Variants in CNTNAP5 observed in about 807,000 individuals in gnomAD.
The protein encoded by CNTNAP5 is contactin associated protein family member 5, also known as contactin-associated protein-like 5.
Under a neutral mutation model 150.2 loss-of-function variants are expected in CNTNAP5, and 72 were observed. The ratio of observed to expected loss-of-function variants is 0.48; its 90% CI spans 0.40 to 0.58. CNTNAP5 has a LOEUF of 0.58. Ranked by LOEUF, CNTNAP5 falls within the 20% of genes least tolerant of loss-of-function variation. The probability of loss-of-function intolerance (pLI) is 0.00; values close to 1 mark genes in which losing one functional copy is unlikely to be tolerated. For synonymous variants in CNTNAP5, 672 were observed against 619.8 expected (o/e 1.08, Z -1.25); for missense variants, 1,636 against 1,626.2 (o/e 1.01, Z -0.10).
At chr2:124,600,549 T>C (rs902730372) in intron 11 of CNTNAP5, among the ~76,000 whole-genome samples, 2 of 152,146 alleles carry the variant, frequency 1.3e-5, no homozygotes, top group African/African-American at 2.4e-5. Flanking sequence ...ACCTGCCGCA[T>C]CTCATGTAAA....
chr2:124,494,445 G>A (rs1211362166), intron 7 of CNTNAP5, among the ~76,000 whole-genome samples: 4 of 152,094 alleles, frequency 2.6e-5, no homozygotes, highest in Non-Finnish European at 4.4e-5. Context: ...GCCCCTAGCA[G>A]GTTGGATGGT....
chr2:124,138,427 C>T (rs1684028447), intron 1 of CNTNAP5, among the ~76,000 whole-genome samples: 1 of 152,220 alleles, frequency 6.6e-6, no homozygotes, highest in Non-Finnish European at 1.5e-5. Context: ...AATGGAGCAG[C>T]ATGCAGAGAA....
At chr2:124,171,383 C>A (rs1209740995) in intron 1 of CNTNAP5, among the ~76,000 whole-genome samples, 1 of 152,190 alleles carries the variant, frequency 6.6e-6, no homozygotes, top group Non-Finnish European at 1.5e-5. Context: ...GGTGCCAGCA[C>A]AACAGTATCA....
At chr2:124,483,652 T>C (rs977892237) in intron 7 of CNTNAP5, among the ~76,000 whole-genome samples, 2 of 152,236 alleles carry the variant, frequency 1.3e-5, no homozygotes, top group African/African-American at 4.8e-5. Context: ...AGTTTCATAA[T>C]ACCTTTCTTG....
intron 11 of CNTNAP5, among the ~76,000 whole-genome samples, chr2:124,592,118 C>T (rs532320008): frequency 1.6e-4 from 24 of 152,194 alleles, no homozygotes; most frequent in Admixed American, 7.2e-4. Context: ...AACTAGTCCT[C>T]AATTGATGAA....
At chr2:124,619,817 A>C (rs1677570160) in intron 12 of CNTNAP5, among the ~76,000 whole-genome samples, 1 of 142,574 alleles carries the variant, frequency 7.0e-6, no homozygotes, top group African/African-American at 2.8e-5. Context: ...CCTGAAAATC[A>C]ATCTCCTTCT....
At chr2:124,149,846 C>A (rs1271319210) in intron 1 of CNTNAP5, among the ~76,000 whole-genome samples, 1 of 152,222 alleles carries the variant, frequency 6.6e-6, no homozygotes, top group Non-Finnish European at 1.5e-5. Flanking sequence ...CAAAACAATC[C>A]CCTTGGCATC....
chr2:124,780,255 A>G (rs538984976), intron 17 of CNTNAP5, among the ~76,000 whole-genome samples: 1 of 152,120 alleles, frequency 6.6e-6, no homozygotes, highest in African/African-American at 2.4e-5. Flanking sequence ...CAAGCAAAAG[A>G]CTGTTTCAAA....
intron 13 of CNTNAP5, among the ~76,000 whole-genome samples, chr2:124,696,647 A>C (rs1356598157): frequency 6.6e-6 from 1 of 152,114 alleles, no homozygotes; most frequent in African/African-American, 2.4e-5. Flanking sequence ...AAATCAATGA[A>C]CTTAAGAAAA....
intron 11 of CNTNAP5, among the ~76,000 whole-genome samples, chr2:124,599,021 C>A (rs559598300): frequency 7.8e-4 from 118 of 152,170 alleles, no homozygotes; most frequent in African/African-American, 2.6e-3. Context: ...GTGCGCACAC[C>A]CACTGGCCTG....
intron 1 of CNTNAP5, among the ~76,000 whole-genome samples, chr2:124,125,239 C>CA (rs879040243): frequency 6.6e-6 from 1 of 150,912 alleles, no homozygotes; most frequent in African/African-American, 2.4e-5. Context: ...AAATGGAGAA[C>CA]AAAAAAAAGC....
intron 1 of CNTNAP5, among the ~76,000 whole-genome samples, chr2:124,108,714 G>C (rs1469714107): frequency 6.6e-6 from 1 of 152,124 alleles, no homozygotes; most frequent in Non-Finnish European, 1.5e-5. Context: ...TTGCCACACA[G>C]CAAGATAATT....
intron 2 of CNTNAP5, among the ~76,000 whole-genome samples, chr2:124,223,538 A>C (rs1264361012): frequency 1.3e-5 from 2 of 152,028 alleles, no homozygotes; most frequent in Non-Finnish European, 2.9e-5. Flanking sequence ...AGGTTGGCAG[A>C]ATTTAACACG....
intron 3 of CNTNAP5, among the ~76,000 whole-genome samples, chr2:124,298,822 C>G (rs1239253010): frequency 6.6e-6 from 1 of 152,114 alleles, no homozygotes; most frequent in Non-Finnish European, 1.5e-5. Flanking sequence ...TACCTTCCAG[C>G]CTTTTTGTAA....
At chr2:124,333,763 C>T (rs930077194) in intron 3 of CNTNAP5, among the ~76,000 whole-genome samples, 1 of 152,090 alleles carries the variant, frequency 6.6e-6, no homozygotes, top group African/African-American at 2.4e-5. Flanking sequence ...GAATTTGTGG[C>T]TTCTGGGGCC....
intron 1 of CNTNAP5, among the ~76,000 whole-genome samples, chr2:124,145,812 T>TTAA (rs1684228792): frequency 6.2e-5 from 4 of 64,196 alleles, no homozygotes; most frequent in African/African-American, 1.4e-4. Flanking sequence ...AAAAAAACAT[T>TTAA]AAAAAAAAAA....
At chr2:124,394,767 A>G (rs763640117) in intron 3 of CNTNAP5, among the ~76,000 whole-genome samples, 13 of 152,278 alleles carry the variant, frequency 8.5e-5, no homozygotes, top group Middle Eastern at 3.4e-3. Context: ...TGGAGACAAT[A>G]TTGCAGCCCA....
intron 13 of CNTNAP5, among the ~76,000 whole-genome samples, chr2:124,661,625 A>C (rs1345356784): frequency 6.6e-6 from 1 of 152,138 alleles, no homozygotes; most frequent in Admixed American, 6.5e-5. Flanking sequence ...ATAGTATAAT[A>C]AATGCATAAA....
intron 6 of CNTNAP5, among the ~76,000 whole-genome samples, chr2:124,449,779 A>G (rs953687534): frequency 4.6e-5 from 7 of 152,148 alleles, no homozygotes; most frequent in African/African-American, 1.7e-4. Context: ...ATTATAAAAG[A>G]AGATAGATTG....
Sources: allele counts gnomAD v4.1 joint callset (sites outside exome capture counted in the v4.1 genomes callset), GRCh38; gene constraint gnomAD v4.1.1; transcripts MANE v1.5; gene names NCBI Gene and HGNC (gene_info 2026-07-23, HGNC 2026-07-21).